CASP9: variants seen among roughly 807,000 people sequenced by gnomAD.
CASP9 encodes the protein caspase-9.
Under a neutral mutation model 43.5 loss-of-function variants are expected in CASP9, and 29 were observed. The ratio of observed to expected loss-of-function variants is 0.67; its 90% CI spans 0.50 to 0.91. The LOEUF is 0.91. CASP9 is among the 40% of genes least tolerant of loss of function. The pLI, the probability that CASP9 is intolerant of heterozygous loss-of-function variation, is 0.00. For missense variants in CASP9, 575 were observed against 537.4 expected (o/e 1.07, Z -0.69); for synonymous variants, 206 against 211.9 (o/e 0.97, Z 0.24).
intron 6 of CASP9, among the ~76,000 whole-genome samples, chr1:15,498,011 T>C (rs1709177918): frequency 6.6e-6 from 1 of 152,234 alleles, no homozygotes; most frequent in Admixed American, 6.5e-5. Context: ...CAAATGAATT[T>C]TGAAAAGGGT....
chr1:15,499,936 T>G (rs4646082), intron 6 of CASP9, among the ~76,000 whole-genome samples: 7,103 of 152,250 alleles, frequency 0.047, 290 homozygotes, highest in African/African-American at 0.11. Context: ...AGTGCCAAGC[T>G]TGGAAAACAG....
chr1:15,504,521 G>T, intron 6 of CASP9, 90 bp downstream of exon 6: 1 of 1,356,964 alleles, frequency 7.4e-7, no homozygotes, highest in South Asian at 1.4e-5. Context: ...GAGACCTCAT[G>T]GGCCCTGTGA....
In CASP9 at chr1:15,505,992, G is replaced by C; in HGVS notation, c.718C>G (p.Gln240Glu). 6.2e-7 allele frequency: 1 copy of C among 1,613,434 alleles called. No homozygotes were observed. Among genetic ancestry groups the C allele is most frequent in the Non-Finnish European group, 8.5e-7 (1 of 1,179,340 alleles). The change falls in exon 5 of 9, where the codon CAG (glutamine) becomes GAG (glutamate). Residue 240 changes from glutamine (Q) to glutamate (E), a missense_variant and splice_region_variant. Coordinates refer to ENST00000333868, the MANE Select transcript of CASP9 (RefSeq NM_001229.5). The stretch of plus-strand genomic sequence containing the variant: ...GGGAACAGTGGGAGGCTTCCTACCT[G>C]ACAGCCGTGAGAGAGAATGACCACC... ...CVVVILSHGC[Q>E]ASHLQFPGAV...
chr1:15,511,404 TA>T (rs1464813219), intron 2 of CASP9, among the ~76,000 whole-genome samples: 1 of 113,080 alleles, frequency 8.8e-6, no homozygotes, highest in Admixed American at 8.6e-5. Context: ...CCACCACACC[TA>T]ATTTTTTTTT....
At chr1:15,522,845 G>T (rs1383785718) in intron 1 of CASP9, among the ~76,000 whole-genome samples, 1 of 152,246 alleles carries the variant, frequency 6.6e-6, no homozygotes, top group Non-Finnish European at 1.5e-5. Context: ...TTGAGTTTGT[G>T]ATCCCCGTGA....
intron 5 of CASP9, 88 bp from the exon 6 acceptor site, chr1:15,504,846 T>C: frequency 7.2e-7 from 1 of 1,381,942 alleles, no homozygotes; most frequent in Non-Finnish European, 1.0e-6. Context: ...GAGCCAAGGA[T>C]TTGGAAGGTC....
At chr1:15,524,259 C>G (rs896502362), upstream of CASP9, 4 of 1,518,846 alleles carry the variant, frequency 2.6e-6, no homozygotes, top group South Asian at 2.4e-5. Flanking sequence ...CTCGGCCGCC[C>G]GCCCCAGTCC....
intron 5 of CASP9, 126 bp downstream of exon 5, chr1:15,505,864 G>A: frequency 1.3e-6 from 1 of 765,354 alleles, no homozygotes; most frequent in Middle Eastern, 2.9e-4. Context: ...AGGTGGGCAG[G>A]GCCCCACAGC....
chr1:15,514,732 G>A (rs973415210), intron 2 of CASP9, among the ~76,000 whole-genome samples: 2 of 152,190 alleles, frequency 1.3e-5, no homozygotes, highest in Admixed American at 6.5e-5. Context: ...TGGGCCAGCC[G>A]TGCTGGCTCA....
chr1:15,518,477 T>C, intron 1 of CASP9, 82 bp from the exon 2 acceptor site: 5 of 1,465,294 alleles, frequency 3.4e-6, no homozygotes, highest in East Asian at 2.3e-5. Context: ...TCCCAGCTAC[T>C]GTAAGTCTAA....
chr1:15,511,845 G>A (rs1709766661), intron 2 of CASP9, among the ~76,000 whole-genome samples: 1 of 152,234 alleles, frequency 6.6e-6, no homozygotes, highest in Non-Finnish European at 1.5e-5. Flanking sequence ...GAAAGAAACA[G>A]GGGAACTGGG....
At chr1:15,494,279 A>C (rs1709012418) in intron 7 of CASP9, among the ~76,000 whole-genome samples, 1 of 152,188 alleles carries the variant, frequency 6.6e-6, no homozygotes, top group Non-Finnish European at 1.5e-5. Flanking sequence ...GAAAGGAAGG[A>C]AACTGCCAGG....
At position 15,498,739 on chromosome 1, in the gene CASP9, G is replaced by C. The variant is rs187878960; in HGVS notation, c.869-3287C>G. Among the ~76,000 whole-genome samples the C allele has an allele frequency of 9.4e-4, 129 of 137,484 alleles. 2 individuals are homozygous for C. In the East Asian group the frequency reaches 0.027, roughly 29 times the overall value. The allele number at this position is 137,484 out of a possible 152,430, so 90.2% of individuals were successfully genotyped here. On this transcript the variant is annotated intron_variant, in intron 6 of 8. Coordinates refer to ENST00000333868, the MANE Select transcript of CASP9 (RefSeq NM_001229.5). Reference sequence around the variant, plus strand: ...ACCAGATTCCATGGATCTTGAAAGTGATCTTTTTTTTTTTTTTTTTTTTTT... The same window carrying C: ...ACCAGATTCCATGGATCTTGAAAGTCATCTTTTTTTTTTTTTTTTTTTTTT...
At chr1:15,506,486 G>A (rs542585201) in intron 4 of CASP9, among the ~76,000 whole-genome samples, 10 of 151,012 alleles carry the variant, frequency 6.6e-5, no homozygotes, top group African/African-American at 2.2e-4. Flanking sequence ...AAACAACAAA[G>A]GGCCCAACCC....
At chr1:15,517,393 G>A (rs1026039205) in intron 2 of CASP9, among the ~76,000 whole-genome samples, 9 of 152,278 alleles carry the variant, frequency 5.9e-5, no homozygotes, top group Middle Eastern at 3.4e-3. Context: ...TGGCGATAGA[G>A]ATGAGAACGG....
chr1:15,522,922 G>A (rs1257983130), intron 1 of CASP9, among the ~76,000 whole-genome samples: 3 of 152,156 alleles, frequency 2.0e-5, no homozygotes, highest in Non-Finnish European at 4.4e-5. Context: ...CACACAGAAG[G>A]CACAAAACTT....
At chr1:15,504,894 T>C (rs1219895589) in intron 5 of CASP9, 136 bp from the exon 6 acceptor site, 2 of 821,132 alleles carry the variant, frequency 2.4e-6, no homozygotes, top group Non-Finnish European at 3.8e-6. Flanking sequence ...ACAGAGCAGG[T>C]TGGTTCTGGA....
intron 5 of CASP9, 115 bp downstream of exon 5, chr1:15,505,875 C>A: frequency 1.2e-6 from 1 of 846,940 alleles, no homozygotes; most frequent in Non-Finnish European, 2.0e-6. Flanking sequence ...GCCCCACAGC[C>A]CTTTTCCACA....
In CASP9 at chr1:15,493,989, C is replaced by T; in HGVS notation, c.1061G>A (p.Trp354Ter). ...SYSTFPGFVSWRDPKSGSWYV... is the reference protein window; with the variant it reads ...SYSTFPGFVS ...CCAGGAGCCACTCTTGGGGTCCCTC[C>T]AGGAAACAAAACCTTTGGAGGGAGG... The change falls in exon 8 of 9, where the codon TGG (tryptophan) becomes TAG (stop). Residue 354 changes from tryptophan (W) to a stop codon, truncating the protein, a stop_gained. Transcript: ENST00000333868. LOFTEE classifies it high-confidence loss of function. 1 of 1,593,424 alleles carries T rather than the reference C, an allele frequency of 6.3e-7. No individual in the cohort carries two copies. The highest frequency in any genetic ancestry group is 1.1e-5 in the South Asian group (1 of 88,268).
Sources: gnomAD v4.1 joint callset for allele counts (sites outside exome capture counted in the v4.1 genomes callset) on GRCh38, gnomAD v4.1.1 for gene constraint, MANE v1.5 for transcripts, NCBI Gene and HGNC (gene_info 2026-07-23, HGNC 2026-07-21) for gene names.